Variants in ZNF737 observed in about 807,000 individuals in gnomAD.
ZNF737 encodes the protein zinc finger protein 737.
A neutral mutation model predicts 11.7 loss-of-function variants in ZNF737; 13 were observed. The ratio of observed to expected loss-of-function variants is 1.11; its 90% CI spans 0.73 to 1.77. The LOEUF is 1.77. Among genes scored for constraint, ZNF737 ranks in the 40% most tolerant of loss-of-function variants. The pLI, the probability that ZNF737 is intolerant of heterozygous loss-of-function variation, is 0.00. For missense variants in ZNF737, 636 were observed against 638.0 expected, an observed-to-expected ratio of 1.00 and a Z score of 0.03; for synonymous variants, 217 against 216.2, an observed-to-expected ratio of 1.00 and a Z score of -0.03.
chr19:20,548,683 G>A (rs1350598856), intron 3 of ZNF737, among the ~76,000 whole-genome samples: 3 of 151,384 alleles, frequency 2.0e-5, no homozygotes, highest in Admixed American at 2.0e-4. Context: ...GTACAATTTT[G>A]ACTTCCCTTA....
chr19:20,559,508 A>G (rs1347415262), intron 1 of ZNF737, among the ~76,000 whole-genome samples: 1 of 152,170 alleles, frequency 6.6e-6, no homozygotes, highest in Non-Finnish European at 1.5e-5. Flanking sequence ...CTCATCACTA[A>G]TCACTAGAGA....
Position 20,552,577 on chromosome 19 carries a change from T to C in ZNF737, c.131-7A>G, listed in dbSNP as rs1599422174. ...GGCTTAGAGACAACAATACCTGTTTTATTAAAAATAAATAACATGAATCTT... is the reference window on the plus strand; with the variant it reads ...GGCTTAGAGACAACAATACCTGTTTCATTAAAAATAAATAACATGAATCTT... On this transcript the variant is annotated splice_polypyrimidine_tract_variant and splice_region_variant and intron_variant, in intron 2 of 3. Transcript: ENST00000427401. 1 of 1,562,984 alleles carries C rather than the reference T, an allele frequency of 6.4e-7. No homozygotes were observed. Among genetic ancestry groups the C allele is most frequent in the African/African-American group, 1.4e-5 (1 of 72,400 alleles).
chr19:20,551,658 T>G (rs991963748), intron 3 of ZNF737, among the ~76,000 whole-genome samples: 1 of 150,718 alleles, frequency 6.6e-6, no homozygotes, highest in Admixed American at 6.6e-5. Flanking sequence ...TCTGATAAAA[T>G]AGAGGAAGAA....
chr19:20,551,880 TTGCAGTG>T (rs1968686031), intron 3 of ZNF737, among the ~76,000 whole-genome samples: 1 of 150,984 alleles, frequency 6.6e-6, no homozygotes, highest in Non-Finnish European at 1.5e-5. Context: ...CCTGTCAAAA[TTGCAGTG>T]TTTTTTTTTT....
Position 20,552,582 on chromosome 19 carries a change from A to G in ZNF737, c.131-12T>C, listed in dbSNP as rs782340114. On this transcript the variant is annotated splice_polypyrimidine_tract_variant and intron_variant, in intron 2 of 3. Coordinates refer to ENST00000427401, the MANE Select transcript of ZNF737 (RefSeq NM_001159293.2). ...AGAGACAACAATACCTGTTTTATTA[A>G]AAATAAATAACATGAATCTTGCTCA... 2.6e-6 allele frequency: 4 copies of G among 1,551,024 alleles called. No homozygotes were observed. In the African/African-American group the frequency reaches 5.6e-5, roughly 22 times the overall value.
chr19:20,562,410 C>T (rs1417559327), intron 1 of ZNF737, among the ~76,000 whole-genome samples: 2 of 147,686 alleles, frequency 1.4e-5, no homozygotes, highest in African/African-American at 2.5e-5. Flanking sequence ...GGTGTGATCT[C>T]GGCTCACCAC....
In ZNF737 at chr19:20,538,554, C is replaced by T; in HGVS notation, c.*6038G>A. ...AGTGTACTCGTGGCAAAACTGCTTTCTGCAAAAAGTAAAAATGGCCTTGCT... is the reference window on the plus strand; with the variant it reads ...AGTGTACTCGTGGCAAAACTGCTTTTTGCAAAAAGTAAAAATGGCCTTGCT... On this transcript the variant is annotated 3_prime_UTR_variant, in exon 4 of 4. Coordinates refer to ENST00000427401, the MANE Select transcript of ZNF737 (RefSeq NM_001159293.2). The T allele has an allele frequency of 1.3e-6, 1 of 798,350 alleles. No homozygotes were observed. The highest frequency in any genetic ancestry group is 1.5e-6 in the Non-Finnish European group (1 of 659,248). The allele number at this position is 798,350 out of a possible 1,614,324, so 49.5% of individuals were successfully genotyped here.
At chr19:20,532,478 T>G (rs1431818413), downstream of ZNF737, among the ~76,000 whole-genome samples, 5 of 150,192 alleles carry the variant, frequency 3.3e-5, no homozygotes, top group East Asian at 1.0e-3. Flanking sequence ...TGTATCTATA[T>G]GTACAGAAAG....
At position 20,544,128 on chromosome 19, in the gene ZNF737, C is replaced by CAA; in HGVS notation, c.*462_*463dup. The CAA allele has an allele frequency of 5.2e-6, 4 of 775,028 alleles. No homozygotes were observed. Among genetic ancestry groups the CAA allele is most frequent in the Non-Finnish European group, 6.3e-6 (4 of 636,674 alleles). The allele number at this position is 775,028 out of a possible 1,614,324, so 48.0% of individuals were successfully genotyped here. A position where few individuals can be genotyped will look rare whatever the true frequency, so the allele number is the denominator to read the frequency against. On this transcript the variant is annotated 3_prime_UTR_variant, in exon 4 of 4. Transcript: ENST00000427401. ...GGATGACAAGCATGAAACTTCATCT[C>CAA]AAAAAAAAAAATATTGAAAACTTGT...
At chr19:20,552,254 C>T (rs1200811508) in intron 3 of ZNF737, among the ~76,000 whole-genome samples, 9 of 148,852 alleles carry the variant, frequency 6.0e-5, no homozygotes, top group African/African-American at 1.5e-4. Flanking sequence ...GGGAGCTCAC[C>T]GAAAGAAAAG....
chr19:20,554,180 G>C (rs145832381), intron 1 of ZNF737, among the ~76,000 whole-genome samples: 2 of 152,136 alleles, frequency 1.3e-5, no homozygotes, highest in African/African-American at 4.8e-5. Context: ...AGTTTAGAAG[G>C]CACCTCTAAA....
intron 3 of ZNF737, among the ~76,000 whole-genome samples, chr19:20,549,724 G>A (rs1189090527): frequency 7.3e-6 from 1 of 136,930 alleles, no homozygotes; most frequent in African/African-American, 2.7e-5. Flanking sequence ...GAGGTCAGGA[G>A]TTCAAGACCA....
Position 20,538,758 on chromosome 19 carries a change from A to G in ZNF737, c.*5834T>C. 2.0e-6 allele frequency: 2 copies of G among 985,384 alleles called. No homozygotes were observed. Among genetic ancestry groups the G allele is most frequent in the Non-Finnish European group, 2.4e-6 (2 of 829,922 alleles). 61.0% of individuals were successfully genotyped at this position (985,384 alleles called of 1,614,324 possible). On this transcript the variant is annotated 3_prime_UTR_variant, in exon 4 of 4. Transcript: ENST00000427401. Reference sequence around the variant, plus strand: ...CATCAATGCTTTCCACATGCACCCAATAGAGTCTTAATTTAATTGGGCTGT... The same window carrying G: ...CATCAATGCTTTCCACATGCACCCAGTAGAGTCTTAATTTAATTGGGCTGT...
At chr19:20,557,587 T>G (rs1968937350) in intron 1 of ZNF737, among the ~76,000 whole-genome samples, 1 of 151,590 alleles carries the variant, frequency 6.6e-6, no homozygotes, top group African/African-American at 2.4e-5. Context: ...AATACGCAAT[T>G]TAAACAAATC....
downstream of ZNF737, chr19:20,536,179 A>T (rs1363379204): frequency 3.2e-5 from 24 of 754,826 alleles, no homozygotes; most frequent in Non-Finnish European, 3.7e-5. Flanking sequence ...ATGCATCAGT[A>T]ACCCTTCTAG....
rs1968494420 is a variant in ZNF737, at chr19:20,547,392, A to AAC, written c.227-1417_227-1416insGT. Among the ~76,000 whole-genome samples, 3 of 151,426 alleles carry AAC rather than the reference A, an allele frequency of 2.0e-5. No homozygotes were observed. In the South Asian group the frequency reaches 6.2e-4, roughly 31 times the overall value. ...CGAGACTCCGTCTCAAAAAAAAAAAAAAAAAAAAACACCACCTACAGTAAC... is the reference window on the plus strand; with the variant it reads ...CGAGACTCCGTCTCAAAAAAAAAAAAACAAAAAAAAACACCACCTACAGTAAC... On this transcript the variant is annotated intron_variant, in intron 3 of 3. Transcript: ENST00000427401.
At chr19:20,549,523 G>A (rs1217612420) in intron 3 of ZNF737, among the ~76,000 whole-genome samples, 4 of 152,006 alleles carry the variant, frequency 2.6e-5, no homozygotes, top group Non-Finnish European at 4.4e-5. Flanking sequence ...AGCTACCCAG[G>A]AGGTCAAGGC....
At position 20,544,966 on chromosome 19, in the gene ZNF737, T is replaced by C. The variant is rs782382950; in HGVS notation, c.1237A>G (p.Thr413Ala). 1.9e-6 allele frequency: 3 copies of C among 1,613,206 alleles called. No individual in the cohort carries two copies. The highest frequency in any genetic ancestry group is 1.7e-6 in the Non-Finnish European group (2 of 1,179,640). ...GEAFKYSSSL[T>A]THKIIHTGQQ... The stretch of plus-strand genomic sequence containing the variant: ...CCAGTATGGATTATCTTATGTGTAG[T>C]AAGGGAAGAGGAGTACTTAAAGGCT... Residue 413 changes from threonine (T) to alanine (A), a missense_variant, in exon 4 of 4, where the codon ACT (threonine) becomes GCT (alanine). Physicochemically the swap from Thr to Ala is moderately conservative, Grantham distance 58. Coordinates refer to ENST00000427401, the MANE Select transcript of ZNF737 (RefSeq NM_001159293.2).
chr19:20,554,312 C>T (rs12609067), intron 1 of ZNF737, among the ~76,000 whole-genome samples: 40,315 of 151,958 alleles, frequency 0.27, 5,944 homozygotes, highest in East Asian at 0.44. Context: ...TGTTTTTGGC[C>T]CAAGAAGGAT....
Sources: gnomAD v4.1 joint callset for allele counts (sites outside exome capture counted in the v4.1 genomes callset) on GRCh38, gnomAD v4.1.1 for gene constraint, MANE v1.5 for transcripts, NCBI Gene and HGNC (gene_info 2026-07-23, HGNC 2026-07-21) for gene names.